Variants in SLC39A12 observed in about 807,000 individuals in gnomAD.
SLC39A12 encodes the protein zinc transporter ZIP12.
A neutral mutation model predicts 71.1 loss-of-function variants in SLC39A12; 63 were observed. That is an observed-to-expected ratio of 0.89 (90% CI 0.72 to 1.09). The LOEUF is 1.09. Ranked by LOEUF, SLC39A12 falls within the 50% of genes least tolerant of loss-of-function variation. The pLI, the probability that SLC39A12 is intolerant of heterozygous loss-of-function variation, is 0.00. For synonymous variants in SLC39A12, 351 were observed against 301.3 expected, an observed-to-expected ratio of 1.16 and a Z score of -1.71; for missense variants, 892 against 812.6, an observed-to-expected ratio of 1.10 and a Z score of -1.19.
At chr10:17,981,946 A>G (rs1362969240) in intron 6 of SLC39A12, among the ~76,000 whole-genome samples, 1 of 152,234 alleles carries the variant, frequency 6.6e-6, no homozygotes, top group Non-Finnish European at 1.5e-5. Flanking sequence ...GAGCTGAGTC[A>G]TGCTTTTTTT....
chr10:18,016,142 A>G (rs569168163), intron 12 of SLC39A12, among the ~76,000 whole-genome samples: 1 of 152,330 alleles, frequency 6.6e-6, no homozygotes, highest in Admixed American at 6.5e-5. Flanking sequence ...TCACCATTGT[A>G]TCATACGGAA....
rs111963396 is a variant in SLC39A12, at chr10:17,995,637, A to G, written c.1534-19A>G. Reference sequence around the variant, plus strand: ...GGCCATTACTTATCTTTCATCAGTTATTTTTTAATTTAAAATAGAAAAGCC... The same window carrying G: ...GGCCATTACTTATCTTTCATCAGTTGTTTTTTAATTTAAAATAGAAAAGCC... On this transcript the variant is annotated intron_variant, in intron 9 of 12. Coordinates refer to ENST00000377369, the MANE Select transcript of SLC39A12 (RefSeq NM_001145195.2). The G allele has an allele frequency of 1.2e-6, 2 of 1,607,346 alleles. No homozygotes were observed. The highest frequency in any genetic ancestry group is 1.3e-5 in the African/African-American group (1 of 74,636).
chr10:17,961,942 TA>T (rs2130779722), intron 3 of SLC39A12, 80 bp downstream of exon 3: 2 of 1,421,534 alleles, frequency 1.4e-6, no homozygotes, highest in East Asian at 4.6e-5. Context: ...TATTTATTTC[TA>T]AGACATTCAA....
At chr10:18,007,438 G>T (rs937534749) in intron 12 of SLC39A12, among the ~76,000 whole-genome samples, 4 of 152,116 alleles carry the variant, frequency 2.6e-5, no homozygotes, top group Non-Finnish European at 5.9e-5. Flanking sequence ...ACTCCTCATG[G>T]TAACTGTTAT....
intron 12 of SLC39A12, among the ~76,000 whole-genome samples, chr10:18,017,720 G>T (rs138986344): frequency 6.6e-6 from 1 of 152,144 alleles, no homozygotes; most frequent in Non-Finnish European, 1.5e-5. Flanking sequence ...TCTGGACTCT[G>T]TTATATGCCA....
intron 9 of SLC39A12, 76 bp downstream of exon 9, chr10:17,993,367 C>A (rs931168217): frequency 5.0e-6 from 5 of 1,009,532 alleles, no homozygotes; most frequent in South Asian, 1.5e-5. Flanking sequence ...AAATGAAAAT[C>A]AGTAGGGTAG....
chr10:17,997,032 A>G (rs1589238128), intron 10 of SLC39A12, among the ~76,000 whole-genome samples: 1 of 151,498 alleles, frequency 6.6e-6, no homozygotes, highest in Non-Finnish European at 1.5e-5. Context: ...CAAAAAAAAA[A>G]AAAAAGAAAA....
intron 2 of SLC39A12, among the ~76,000 whole-genome samples, chr10:17,961,362 T>C (rs1234477114): frequency 2.6e-5 from 4 of 152,196 alleles, no homozygotes; most frequent in Non-Finnish European, 1.5e-5. Flanking sequence ...GCCGATCTAG[T>C]TGGAGACAGG....
intron 12 of SLC39A12, among the ~76,000 whole-genome samples, chr10:18,024,774 A>G (rs1836627863): frequency 1.3e-5 from 2 of 152,166 alleles, no homozygotes; most frequent in South Asian, 4.1e-4. Context: ...TGTCTCACAT[A>G]TTTTAATGCT....
intron 3 of SLC39A12, among the ~76,000 whole-genome samples, chr10:17,965,215 GAAAA>G (rs932730438): frequency 3.5e-5 from 5 of 143,586 alleles, no homozygotes; most frequent in African/African-American, 1.3e-4. Flanking sequence ...CTAAAAAAAA[GAAAA>G]AAAAAAGGAT....
chr10:18,020,994 T>G (rs1364176193), intron 12 of SLC39A12, among the ~76,000 whole-genome samples: 3 of 152,154 alleles, frequency 2.0e-5, no homozygotes, highest in African/African-American at 7.2e-5. Context: ...CTTGTCAACT[T>G]TTGATTTTTT....
chr10:18,036,790 A>ATTTTTTTTTTTTTTTTTT (rs1464293480), intron 12 of SLC39A12, among the ~76,000 whole-genome samples: 1 of 69,230 alleles, frequency 1.4e-5, no homozygotes, highest in Non-Finnish European at 2.6e-5. Context: ...ATATATATAT[A>ATTTTTTTTTTTTTTTTTT]TATATTTTTT....
intron 9 of SLC39A12, among the ~76,000 whole-genome samples, chr10:17,994,504 G>C (rs1310183293): frequency 6.6e-6 from 1 of 152,044 alleles, no homozygotes; most frequent in Non-Finnish European, 1.5e-5. Flanking sequence ...ACAATAAATA[G>C]CTTTTTTTGA....
At chr10:17,992,779 A>G (rs1441456343) in intron 8 of SLC39A12, among the ~76,000 whole-genome samples, 3 of 152,188 alleles carry the variant, frequency 2.0e-5, no homozygotes, top group Non-Finnish European at 4.4e-5. Flanking sequence ...AAGATTTATG[A>G]TATTGCCTAA....
At chr10:17,998,910 C>A (rs1589239154) in intron 10 of SLC39A12, among the ~76,000 whole-genome samples, 2 of 152,128 alleles carry the variant, frequency 1.3e-5, no homozygotes, top group South Asian at 4.1e-4. Context: ...AGGAAGTATC[C>A]TCTTTCTATT....
At chr10:17,997,663 C>A (rs1219459633) in intron 10 of SLC39A12, among the ~76,000 whole-genome samples, 1 of 152,172 alleles carries the variant, frequency 6.6e-6, no homozygotes, top group Non-Finnish European at 1.5e-5. Context: ...GAATAGTGAA[C>A]ATATCCATAT....
At chr10:18,040,831 AT>A (rs1182383857) in intron 12 of SLC39A12, among the ~76,000 whole-genome samples, 8 of 151,512 alleles carry the variant, frequency 5.3e-5, no homozygotes, top group Non-Finnish European at 5.9e-5. Context: ...GTCCTTGATC[AT>A]TCATTTGATC....
chr10:17,961,928 T>C lies in SLC39A12; in HGVS notation c.543+66T>C, dbSNP rs1035140400. Reference sequence around the variant, plus strand: ...ACAGTTCTAGAGCCTTATTGTTTGTTCCTTATTTATTTCTAAGACATTCAA... The same window carrying C: ...ACAGTTCTAGAGCCTTATTGTTTGTCCCTTATTTATTTCTAAGACATTCAA... On this transcript the variant is annotated intron_variant, in intron 3 of 12. Transcript: ENST00000377369. 22 of 1,476,696 alleles carry C rather than the reference T, an allele frequency of 1.5e-5. No homozygotes were observed. The African/African-American group carries it at 3.0e-4, about 20-fold the overall frequency. 91.5% of individuals were successfully genotyped at this position (1,476,696 alleles called of 1,614,324 possible).
At chr10:17,998,396 A>G (rs76692191) in intron 10 of SLC39A12, among the ~76,000 whole-genome samples, 2 of 152,226 alleles carry the variant, frequency 1.3e-5, no homozygotes, top group Admixed American at 6.5e-5. Flanking sequence ...TGCATGTTGC[A>G]GTGTTGTCAA....
Sources: gnomAD v4.1 joint callset for allele counts (sites outside exome capture counted in the v4.1 genomes callset) on GRCh38, gnomAD v4.1.1 for gene constraint, MANE v1.5 for transcripts, NCBI Gene and HGNC (gene_info 2026-07-23, HGNC 2026-07-21) for gene names.